HNF1B: variants seen among roughly 807,000 people sequenced by gnomAD.
HNF1B encodes HNF1 homeobox B, also known as hepatocyte nuclear factor 1-beta.
HNF1B carries 8 observed loss-of-function variants against 61.7 expected under a neutral mutation model. The observed-to-expected ratio is 0.13, with a 90% confidence interval of 0.08 to 0.23. HNF1B has a LOEUF of 0.23. HNF1B is among the 10% of genes least tolerant of loss of function. The pLI is 1.00. For missense variants in HNF1B, 562 were observed against 714.5 expected, an observed-to-expected ratio of 0.79 and a Z score of 2.43; for synonymous variants, 314 against 287.7, an observed-to-expected ratio of 1.09 and a Z score of -0.93.
rs3094507 is a variant in HNF1B at position 37,704,191 on chromosome 17, C to A, written c.1339+726G>T. 4.5e-3 allele frequency among the ~76,000 whole-genome samples: 693 copies of A among 152,336 alleles called. 3 individuals are homozygous for A. The highest frequency in any genetic ancestry group is 0.016 in the African/African-American group (660 of 41,576). On this transcript the variant is annotated intron_variant, in intron 6 of 8. Transcript: ENST00000617811. ...TATCCACAACCACAGTTCCCTTCAG[C>A]CTTCTCATGCCTCAAGATGGCCCAT...
At position 37,704,996 on chromosome 17, in the gene HNF1B, G is replaced by A. The variant is rs753229331; in HGVS notation, c.1260C>T (p.His420=). ...GCTGGGGATTATGGTGGGAGAGGCT[G>A]TGGATATTCGTCAAGGTGCTGACTG... The part of the protein sequence containing the change: ...LPPVSTLTNI[H]SLSHHNPQQS... Residue 420 remains histidine, a synonymous_variant, in exon 6 of 9, where the codon CAC becomes CAT. Coordinates refer to ENST00000617811, the MANE Select transcript of HNF1B (RefSeq NM_000458.4). The A allele has an allele frequency of 1.9e-6, 3 of 1,613,996 alleles. No homozygotes were observed. Among genetic ancestry groups the A allele is most frequent in the Admixed American group, 1.7e-5 (1 of 60,026 alleles).
chr17:37,723,182 A>G (rs1237826569), intron 4 of HNF1B, among the ~76,000 whole-genome samples: 1 of 151,544 alleles, frequency 6.6e-6, no homozygotes, highest in Non-Finnish European at 1.5e-5. Flanking sequence ...TACTAAAAAA[A>G]AAAAAATACA....
chr17:37,720,174 T>G (rs1300697154), intron 4 of HNF1B, among the ~76,000 whole-genome samples: 1 of 152,196 alleles, frequency 6.6e-6, no homozygotes, highest in Non-Finnish European at 1.5e-5. Context: ...ATAATTGATT[T>G]GCAGTAGTCC....
At position 37,731,334 on chromosome 17, in the gene HNF1B, A is replaced by G. The variant is rs1038076047; in HGVS notation, c.1045+261T>C. 27 of 606,008 alleles carry G rather than the reference A, an allele frequency of 4.5e-5. No individual in the cohort carries two copies. In the Middle Eastern group the frequency reaches 1.0e-3, roughly 23 times the overall value. 37.5% of individuals were successfully genotyped at this position (606,008 alleles called of 1,614,324 possible). ...GAGTCAGCAGCCACACAGGGAGAAG[A>G]AGAGGGAAGGAGACAAATAGGGTAA... On this transcript the variant is annotated intron_variant, in intron 4 of 8. Coordinates refer to ENST00000617811, the MANE Select transcript of HNF1B (RefSeq NM_000458.4).
chr17:37,694,921 G>A (rs146879380), intron 8 of HNF1B, among the ~76,000 whole-genome samples: 1,598 of 152,308 alleles, frequency 0.01, 13 homozygotes, highest in Non-Finnish European at 0.015. Context: ...GAAGCAGAGC[G>A]TAAAAGTTTG....
At chr17:37,722,648 G>A (rs1178905244) in intron 4 of HNF1B, among the ~76,000 whole-genome samples, 1 of 152,154 alleles carries the variant, frequency 6.6e-6, no homozygotes, top group Non-Finnish European at 1.5e-5. Context: ...TGAGAAAACT[G>A]ACTCTTGACT....
At chr17:37,727,236 A>G (rs1324108622) in intron 4 of HNF1B, among the ~76,000 whole-genome samples, 1 of 152,148 alleles carries the variant, frequency 6.6e-6, no homozygotes, top group Non-Finnish European at 1.5e-5. Context: ...GGTAGAGGCC[A>G]TCACTCCAGA....
At chr17:37,711,170 A>G (rs2032924266) in intron 4 of HNF1B, among the ~76,000 whole-genome samples, 1 of 152,220 alleles carries the variant, frequency 6.6e-6, no homozygotes, top group African/African-American at 2.4e-5. Flanking sequence ...GTGACCCTTG[A>G]AAGAGCCGTA....
chr17:37,737,751 C>T (rs572472229), intron 2 of HNF1B, among the ~76,000 whole-genome samples: 4 of 151,992 alleles, frequency 2.6e-5, no homozygotes, highest in Non-Finnish European at 4.4e-5. Context: ...AGGAGAATGG[C>T]GTGAACCCGG....
At chr17:37,715,608 A>G (rs1487849501) in intron 4 of HNF1B, among the ~76,000 whole-genome samples, 1 of 152,184 alleles carries the variant, frequency 6.6e-6, no homozygotes, top group Non-Finnish European at 1.5e-5. Flanking sequence ...GCCTCGGTCC[A>G]CTGTGTGCAC....
Position 37,736,297 on chromosome 17 carries a change from G to C in HNF1B, c.545-2476C>G, listed in dbSNP as rs947651316. Among the ~76,000 whole-genome samples, 15 of 152,372 alleles carry C rather than the reference G, an allele frequency of 9.8e-5. 1 individual carries two copies. In the South Asian group the frequency reaches 3.1e-3, roughly 32 times the overall value. ...TCCCAAGGGCCTGGGAGCAATGTGAGATTTTTTCATTTGATGTGAACAGAC... is the reference window on the plus strand; with the variant it reads ...TCCCAAGGGCCTGGGAGCAATGTGACATTTTTTCATTTGATGTGAACAGAC... On this transcript the variant is annotated intron_variant, in intron 2 of 8. Transcript: ENST00000617811.
At position 37,710,545 on chromosome 17, in the gene HNF1B, G is replaced by T. The variant is rs2032898017; in HGVS notation, c.1164C>A (p.Ser388Arg). ...AGAGGAGATTGTGGCCTGGGTCCAG[G>T]CTGGCTGGGGAGACTTGCTGTAAAA... ...QSVLQQVSPA[S>R]LDPGHNLLSP... Residue 388 changes from serine (S) to arginine (R), a missense_variant, in exon 5 of 9, where the codon AGC (serine) becomes AGA (arginine). Ser to Arg is a moderately radical substitution (Grantham distance 110). Transcript: ENST00000617811. The T allele has an allele frequency of 6.2e-7, 1 of 1,614,088 alleles. No homozygotes were observed.
intron 4 of HNF1B, among the ~76,000 whole-genome samples, chr17:37,724,923 T>C (rs980683500): frequency 0.12 from 17,521 of 145,700 alleles, 1,651 homozygotes; most frequent in African/African-American, 0.27. Flanking sequence ...TGTGTGTGTG[T>C]GTGTGTGTGT....
chr17:37,744,144 G>A (rs1036563969), intron 1 of HNF1B, among the ~76,000 whole-genome samples: 1 of 152,224 alleles, frequency 6.6e-6, no homozygotes, highest in African/African-American at 2.4e-5. Context: ...CAGGAAAAAT[G>A]CGCGGCCTGG....
chr17:37,720,663 C>T (rs1288522728), intron 4 of HNF1B: 2 of 380,858 alleles, frequency 5.3e-6, no homozygotes, highest in Non-Finnish European at 3.6e-6. Context: ...CTTTATTTCA[C>T]AAATATATGG....
At chr17:37,734,189 C>T (rs1598843469) in intron 2 of HNF1B, among the ~76,000 whole-genome samples, 1 of 152,354 alleles carries the variant, frequency 6.6e-6, no homozygotes, top group East Asian at 1.9e-4. Context: ...TCAAGTCTCA[C>T]ATCCAGGGGA....
At chr17:37,717,439 T>A (rs2033161765) in intron 4 of HNF1B, among the ~76,000 whole-genome samples, 1 of 152,188 alleles carries the variant, frequency 6.6e-6, no homozygotes, top group African/African-American at 2.4e-5. Flanking sequence ...ACTGGGAATT[T>A]AAACTCAGGC....
At chr17:37,698,373 C>T (rs2032455408) in intron 8 of HNF1B, among the ~76,000 whole-genome samples, 1 of 152,102 alleles carries the variant, frequency 6.6e-6, no homozygotes. Context: ...AGCAATGAGC[C>T]TCGCCATCAG....
chr17:37,688,216 G>A (rs370151065), intron 8 of HNF1B, among the ~76,000 whole-genome samples: 38 of 152,144 alleles, frequency 2.5e-4, no homozygotes, highest in African/African-American at 8.2e-4. Flanking sequence ...GCCCTCCAGT[G>A]CCTGGGCCTT....
Sources: gnomAD v4.1 joint callset for allele counts (sites outside exome capture counted in the v4.1 genomes callset) on GRCh38, gnomAD v4.1.1 for gene constraint, MANE v1.5 for transcripts, NCBI Gene and HGNC (gene_info 2026-07-23, HGNC 2026-07-21) for gene names.